ZNF726: variants seen among roughly 807,000 people sequenced by gnomAD.
ZNF726 encodes zinc finger protein 92 pseudogene 3.
Under a neutral mutation model 11.6 loss-of-function variants are expected in ZNF726, and 15 were observed. The observed-to-expected ratio is 1.29, with a 90% CI of 0.86 to 1.99. ZNF726 has a LOEUF of 1.99. ZNF726 is among the 30% of genes most tolerant of loss of function. The probability of loss-of-function intolerance (pLI) is 0.00; values close to 1 mark genes in which losing one functional copy is unlikely to be tolerated. For synonymous variants in ZNF726, 295 were observed against 243.6 expected (o/e 1.21, Z -1.96); for missense variants, 890 against 725.6 (o/e 1.23, Z -2.60).
At chr19:23,941,365 G>A (rs1469879303) in intron 3 of ZNF726, among the ~76,000 whole-genome samples, 1 of 152,124 alleles carries the variant, frequency 6.6e-6, no homozygotes, top group Non-Finnish European at 1.5e-5. Context: ...TTGACATGTT[G>A]TTGGATTTGG....
At chr19:23,929,028 G>A (rs2144981709) in intron 3 of ZNF726, 1 of 152,038 alleles carries the variant, frequency 6.6e-6, no homozygotes, top group South Asian at 2.1e-4. Context: ...AAACTTCTGA[G>A]ATCCAGTGAT....
Position 23,925,656 on chromosome 19 carries a change from T to C in ZNF726, c.226+5574T>C, listed in dbSNP as rs577545946. On this transcript the variant is annotated intron_variant, in intron 3 of 3. Coordinates refer to ENST00000594466, the MANE Select transcript of ZNF726 (RefSeq NM_001244038.2). ...TTTCAAATTTTTGAAGAAAATTTAT[T>C]TCAATTTGTCTATTTCTAAATAAAG... 5.3e-5 allele frequency among the ~76,000 whole-genome samples: 8 copies of C among 152,252 alleles called. No homozygotes were observed. In the East Asian group the frequency reaches 7.7e-4, roughly 15 times the overall value.
At chr19:23,941,283 G>T (rs192398243) in intron 3 of ZNF726, among the ~76,000 whole-genome samples, 4 of 152,070 alleles carry the variant, frequency 2.6e-5, no homozygotes, top group African/African-American at 9.7e-5. Context: ...TATCACATTT[G>T]TTGACGTGTG....
At chr19:23,917,432 C>T (rs1053987378) in intron 1 of ZNF726, among the ~76,000 whole-genome samples, 1 of 151,204 alleles carries the variant, frequency 6.6e-6, no homozygotes, top group African/African-American at 2.4e-5. Flanking sequence ...GCTTTTATGG[C>T]TGAGTGATTT....
In ZNF726 at chr19:23,929,487, C is replaced by T. The variant is rs979404862; in HGVS notation, c.227-2856C>T. On this transcript the variant is annotated intron_variant, in intron 3 of 3. Coordinates refer to ENST00000594466, the MANE Select transcript of ZNF726 (RefSeq NM_001244038.2). ...TGCAGGAAAACTCTGCCTTATAAAG[C>T]CTTCAGATTTCATGAGACTTATTCA... 7.2e-5 allele frequency among the ~76,000 whole-genome samples: 11 copies of T among 152,198 alleles called. No homozygotes were observed. In the South Asian group the frequency reaches 1.2e-3, roughly 17 times the overall value.
rs753486553 is a variant in ZNF726, at chr19:23,933,376, T to C, written c.1260T>C (p.Thr420=). Residue 420 remains threonine, a synonymous_variant, in exon 4 of 4, where the codon ACT becomes ACC. Coordinates refer to ENST00000594466, the MANE Select transcript of ZNF726 (RefSeq NM_001244038.2). ...TTACTAAACATAAGATAATTCATAC[T>C]GGAGAGAAACCTTACAAGTGTGAAG... ...SNLTKHKIIH[T]GEKPYKCEEC... 8.1e-6 allele frequency: 13 copies of C among 1,612,754 alleles called. No homozygotes were observed. Among genetic ancestry groups the C allele is most frequent in the South Asian group, 4.4e-5 (4 of 91,004 alleles).
chr19:23,930,134 A>T (rs908760349), intron 3 of ZNF726, among the ~76,000 whole-genome samples: 4 of 152,306 alleles, frequency 2.6e-5, no homozygotes, highest in Non-Finnish European at 5.9e-5. Flanking sequence ...GCTACTGGTG[A>T]TGAACACCCT....
chr19:23,916,322 CTTT>C (rs57981964), intron 1 of ZNF726, among the ~76,000 whole-genome samples: 2 of 147,852 alleles, frequency 1.4e-5, no homozygotes, highest in African/African-American at 2.5e-5. Context: ...TTTAATGAAT[CTTT>C]TTTTTTTTTT....
chr19:23,941,322 A>G (rs1968335285), intron 3 of ZNF726, among the ~76,000 whole-genome samples: 1 of 152,166 alleles, frequency 6.6e-6, no homozygotes, highest in Non-Finnish European at 1.5e-5. Context: ...CATCCCTGGT[A>G]TGCAACCCAC....
chr19:23,921,525 A>C (rs1030580496), intron 3 of ZNF726: 9 of 152,148 alleles, frequency 5.9e-5, no homozygotes, highest in Non-Finnish European at 8.8e-5. Context: ...AATAGAAATA[A>C]AATATTTTTA....
chr19:23,937,647 C>T (rs1968268158), downstream of ZNF726, among the ~76,000 whole-genome samples: 1 of 151,834 alleles, frequency 6.6e-6, no homozygotes, highest in African/African-American at 2.4e-5. Flanking sequence ...CAGAGATGCT[C>T]CTCACTTTCC....
At chr19:23,929,837 A>G (rs1246723332) in intron 3 of ZNF726, among the ~76,000 whole-genome samples, 1 of 152,204 alleles carries the variant, frequency 6.6e-6, no homozygotes, top group Non-Finnish European at 1.5e-5. Flanking sequence ...TTTAAGAGTT[A>G]TATGCATCAT....
intron 1 of ZNF726, among the ~76,000 whole-genome samples, chr19:23,917,214 G>A (rs557816642): frequency 1.1e-3 from 170 of 152,302 alleles, no homozygotes; most frequent in African/African-American, 3.8e-3. Flanking sequence ...GCCTCCCAAA[G>A]TGCTGTGATT....
chr19:23,919,666 A>G, intron 2 of ZNF726, 167 bp downstream of exon 2: 1 of 843,028 alleles, frequency 1.2e-6, no homozygotes, highest in Non-Finnish European at 1.7e-6. Context: ...CCTGACCTGA[A>G]ATTTCCACAT....
intron 2 of ZNF726, chr19:23,919,756 C>T (rs919728609): frequency 1.3e-5 from 6 of 468,556 alleles, no homozygotes; most frequent in African/African-American, 2.1e-5. Context: ...GTTATTCACA[C>T]CTTAAAATCC....
At chr19:23,917,689 A>T (rs1435230766) in intron 1 of ZNF726, among the ~76,000 whole-genome samples, 2 of 152,152 alleles carry the variant, frequency 1.3e-5, no homozygotes, top group African/African-American at 4.8e-5. Context: ...TTTTTAATAC[A>T]AATAATAAAA....
intron 3 of ZNF726, chr19:23,923,562 C>T: frequency 5.4e-6 from 1 of 185,772 alleles, no homozygotes; most frequent in South Asian, 8.3e-5. Context: ...TAGGTGCCGA[C>T]ACCGCGCTTG....
intron 3 of ZNF726, among the ~76,000 whole-genome samples, chr19:23,921,772 T>C (rs1290187512): frequency 6.6e-6 from 1 of 152,226 alleles, no homozygotes; most frequent in African/African-American, 2.4e-5. Flanking sequence ...AAAGAGGTTT[T>C]AATGTACTTT....
Position 23,932,536 on chromosome 19 carries a change from C to G in ZNF726, c.420C>G (p.Thr140=). The part of the protein sequence containing the change: ...YNGLNQCFTT[T]QGKASQCGKY... ...GACTTAACCAGTGTTTCACAACTAC[C>G]CAGGGCAAAGCTTCTCAATGTGGTA... Residue 140 remains threonine, a synonymous_variant, in exon 4 of 4, where the codon ACC becomes ACG. Coordinates refer to ENST00000594466, the MANE Select transcript of ZNF726 (RefSeq NM_001244038.2). The G allele has an allele frequency of 1.3e-6, 2 of 1,588,240 alleles. No homozygotes were observed. The highest frequency in any genetic ancestry group is 1.7e-6 in the Non-Finnish European group (2 of 1,171,762).
Sources: allele counts gnomAD v4.1 joint callset (sites outside exome capture counted in the v4.1 genomes callset), GRCh38; gene constraint gnomAD v4.1.1; transcripts MANE v1.5; gene names NCBI Gene and HGNC (gene_info 2026-07-23, HGNC 2026-07-21).